The following DSC3 variants were observed in gnomAD, a reference collection of about 807,000 sequenced individuals.
DSC3 encodes desmocollin-3.
In DSC3, 97 loss-of-function variants were observed where a neutral mutation model predicts 89.5. The ratio of observed to expected loss-of-function variants is 1.08; its 90% confidence interval spans 0.92 to 1.28. DSC3 has a LOEUF of 1.28. Ranked by LOEUF, DSC3 falls within the 50% of genes most tolerant of loss-of-function variation. The pLI is 0.00. For synonymous variants in DSC3, 436 were observed against 384.1 expected (o/e 1.14, Z -1.58); for missense variants, 1,199 against 1,085.3 (o/e 1.10, Z -1.47).
At chr18:31,032,461 AACTT>A (rs1429732849) in intron 1 of DSC3, among the ~76,000 whole-genome samples, 185 bp from the exon 2 acceptor site, 1 of 152,158 alleles carries the variant, frequency 6.6e-6, no homozygotes, top group Non-Finnish European at 1.5e-5. Flanking sequence ...AACAACAACT[AACTT>A]CATATTTAAA....
chr18:31,023,949 T>A (rs559942668), intron 6 of DSC3, among the ~76,000 whole-genome samples: 1 of 152,246 alleles, frequency 6.6e-6, no homozygotes, highest in Non-Finnish European at 1.5e-5. Flanking sequence ...TGGATGTCAT[T>A]TAACACCTTC....
intron 12 of DSC3, among the ~76,000 whole-genome samples, chr18:31,004,801 A>T (rs1984783433): frequency 6.6e-6 from 1 of 152,230 alleles, no homozygotes; most frequent in Non-Finnish European, 1.5e-5. Flanking sequence ...TTCAAAGCAC[A>T]ATAGATTGTT....
In DSC3 at chr18:31,022,442, C is replaced by T. The variant is rs145618008; in HGVS notation, c.836G>A (p.Arg279His). 1.7e-4 allele frequency: 280 copies of T among 1,613,986 alleles called. No homozygotes were observed. In the African/African-American group the frequency reaches 2.8e-3, roughly 16 times the overall value. ...CTGCTGCAAAATGCTGTATTTCAGG[C>T]GCGTATGCATTGTGTCCGGTTCATC... ...DRDEPDTMHT[R>H]LKYSILQQTP... Residue 279 changes from arginine (R) to histidine (H), a missense_variant, in exon 7 of 16, where the codon CGC becomes CAC. Arg to His is a conservative substitution (Grantham distance 29, BLOSUM62 0). Coordinates refer to ENST00000360428, the MANE Select transcript of DSC3 (RefSeq NM_001941.5).
At chr18:31,005,793 A>G (rs1007446590) in intron 12 of DSC3, among the ~76,000 whole-genome samples, 2 of 152,186 alleles carry the variant, frequency 1.3e-5, no homozygotes, top group African/African-American at 4.8e-5. Context: ...AGGCACTGCA[A>G]TGCAGGTAGC....
At chr18:30,997,222 T>C (rs79993085) in intron 14 of DSC3, among the ~76,000 whole-genome samples, 174 bp from the exon 15 acceptor site, 2,192 of 152,344 alleles carry the variant, frequency 0.014, 29 homozygotes, top group South Asian at 0.043. Flanking sequence ...TCATTCATTT[T>C]GTGCTGCTAT....
At chr18:31,029,654 T>C (rs1324139554) in intron 3 of DSC3, 26 bp from the exon 4 acceptor site, 8 of 1,613,132 alleles carry the variant, frequency 5.0e-6, no homozygotes, top group Admixed American at 3.3e-5. Context: ...AACAAATACA[T>C]GAATAAACAA....
rs1354091489 is a variant in DSC3 at position 31,029,776 on chromosome 18, C to T, written c.355-148G>A. The T allele has an allele frequency of 9.3e-6, 9 of 969,268 alleles. No individual in the cohort carries two copies. The South Asian group carries it at 1.2e-4, about 13-fold the overall frequency. 60.0% of individuals were successfully genotyped at this position (969,268 alleles called of 1,614,324 possible). ...CTGGAGCTAAACCAGTTAATAAAGT[C>T]TTTCTGCATTAGAAGGGTAAGAAAG... On this transcript the variant is annotated intron_variant, in intron 3 of 15. Transcript: ENST00000360428.
chr18:31,042,670 G>A lies in DSC3; in HGVS notation c.-10C>T, dbSNP rs780928956. 16 of 1,548,474 alleles carry A rather than the reference G, an allele frequency of 1.0e-5. No individual in the cohort carries two copies. The Admixed American group carries it at 2.4e-4, about 23-fold the overall frequency. ...GCCCAGCGGCGGCCATCGGGATGCC[G>A]GGCAGGGCCAGGAGAACGCGGGCGC... On this transcript the variant is annotated 5_prime_UTR_variant, in exon 1 of 16. Transcript: ENST00000360428.
chr18:31,027,288 C>T (rs924915097), intron 4 of DSC3, among the ~76,000 whole-genome samples: 5 of 152,108 alleles, frequency 3.3e-5, no homozygotes, highest in African/African-American at 1.2e-4. Flanking sequence ...GACGGTCAGA[C>T]GTGCTTGAAC....
At chr18:31,020,117 G>A (rs568119830) in intron 7 of DSC3, among the ~76,000 whole-genome samples, 65 of 152,238 alleles carry the variant, frequency 4.3e-4, no homozygotes, top group African/African-American at 1.4e-3. Context: ...GAAATCTAAG[G>A]AGTAAAGTCC....
chr18:30,995,029 C>T (rs1218851800), intron 15 of DSC3, among the ~76,000 whole-genome samples: 1 of 151,456 alleles, frequency 6.6e-6, no homozygotes, highest in Non-Finnish European at 1.5e-5. Context: ...TCGAAAAGTT[C>T]AATGAAATTA....
Position 30,990,692 on chromosome 18 carries a change from T to C in DSC3, c.*3483A>G, listed in dbSNP as rs913468467. 3 of 152,196 alleles carry C rather than the reference T, an allele frequency of 2.0e-5. No individual in the cohort carries two copies. The highest frequency in any genetic ancestry group is 4.8e-5 in the African/African-American group (2 of 41,450). 9.4% of individuals were successfully genotyped at this position (152,196 alleles called of 1,614,324 possible). A position where few individuals can be genotyped will look rare whatever the true frequency, so the allele number is the denominator to read the frequency against. The stretch of plus-strand genomic sequence containing the variant: ...GAATCAAGACTGCAATATCGCCTGC[T>C]TTTCTTTTTAACTCATGTTTTCCCT... On this transcript the variant is annotated 3_prime_UTR_variant, in exon 16 of 16. Coordinates refer to ENST00000360428, the MANE Select transcript of DSC3 (RefSeq NM_001941.5).
rs1057502232 is a variant in DSC3 at position 30,997,552 on chromosome 18, T to C, written c.2236-504A>G. Among the ~76,000 whole-genome samples the C allele has an allele frequency of 5.3e-5, 8 of 152,232 alleles. No homozygotes were observed. In the East Asian group the frequency reaches 5.8e-4, roughly 11 times the overall value. On this transcript the variant is annotated intron_variant, in intron 14 of 15. Transcript: ENST00000360428. ...GGTCTCACCTCTCAACACTGTTGCA[T>C]TGGGGATTAAGTTTCCAACATATCA...
chr18:30,994,340 G>A lies in DSC3; in HGVS notation c.2526C>T (p.Arg842=). The change falls in exon 16 of 16, where the codon CGC becomes CGT. Residue 842 remains arginine, a synonymous_variant. Coordinates refer to ENST00000360428, the MANE Select transcript of DSC3 (RefSeq NM_001941.5). ...KLHRCNQNED[R]MPSQDYVLTY... ...TGAGGACATAATCTTGGGATGGCAT[G>A]CGGTCTTCATTCTGATTACATCGAT... is the stretch of plus-strand genomic sequence containing the variant. The A allele has an allele frequency of 6.2e-7, 1 of 1,614,046 alleles. No individual in the cohort carries two copies. Among genetic ancestry groups the A allele is most frequent in the Non-Finnish European group, 8.5e-7 (1 of 1,179,982 alleles).
chr18:31,034,420 C>T (rs1340886545), intron 1 of DSC3, among the ~76,000 whole-genome samples: 3 of 152,152 alleles, frequency 2.0e-5, no homozygotes, highest in African/African-American at 4.8e-5. Flanking sequence ...GAAACCCCTA[C>T]ACTTTGCTGG....
At chr18:31,026,145 G>T (rs1056760335) in intron 4 of DSC3, among the ~76,000 whole-genome samples, 1 of 151,994 alleles carries the variant, frequency 6.6e-6, no homozygotes, top group Non-Finnish European at 1.5e-5. Flanking sequence ...AAAATTAAAT[G>T]AATAAGCTAT....
rs1984253231 is a variant in DSC3, at chr18:30,991,775, C to T, written c.*2400G>A. On this transcript the variant is annotated 3_prime_UTR_variant, in exon 16 of 16. Transcript: ENST00000360428. ...TGAGTTCTTTCTCCCCCTGGCTTCT[C>T]GACTGTCTTTTGGTTGAGTATTTCA... is the stretch of plus-strand genomic sequence containing the variant. The T allele has an allele frequency of 1.3e-5, 2 of 152,158 alleles. No homozygotes were observed. The highest frequency in any genetic ancestry group is 2.9e-5 in the Non-Finnish European group (2 of 68,048). The allele number at this position is 152,158 out of a possible 1,614,324, so 9.4% of individuals were successfully genotyped here. A position where few individuals can be genotyped will look rare whatever the true frequency, so the allele number is the denominator to read the frequency against.
Position 30,992,210 on chromosome 18 carries a change from A to G in DSC3, c.*1965T>C, listed in dbSNP as rs1984287252. On this transcript the variant is annotated 3_prime_UTR_variant, in exon 16 of 16. Coordinates refer to ENST00000360428, the MANE Select transcript of DSC3 (RefSeq NM_001941.5). ...GGGGGCAATAAAAAGTCTAAGTCTAAAACACATAGATTTTAGGGTCAAATT... is the reference window on the plus strand; with the variant it reads ...GGGGGCAATAAAAAGTCTAAGTCTAGAACACATAGATTTTAGGGTCAAATT... 6.6e-6 allele frequency: 1 copy of G among 152,022 alleles called. No individual in the cohort carries two copies. Among genetic ancestry groups the G allele is most frequent in the African/African-American group, 2.4e-5 (1 of 41,390 alleles). The allele number at this position is 152,022 out of a possible 1,614,324, so 9.4% of individuals were successfully genotyped here. A position where few individuals can be genotyped will look rare whatever the true frequency, so the allele number is the denominator to read the frequency against.
At chr18:31,029,654 T>G in intron 3 of DSC3, 26 bp from the exon 4 acceptor site, 1 of 1,613,132 alleles carries the variant, frequency 6.2e-7, no homozygotes, top group Non-Finnish European at 8.5e-7. Flanking sequence ...AACAAATACA[T>G]GAATAAACAA....
Sources: gnomAD v4.1 joint callset for allele counts (sites outside exome capture counted in the v4.1 genomes callset) on GRCh38, gnomAD v4.1.1 for gene constraint, MANE v1.5 for transcripts, NCBI Gene and HGNC (gene_info 2026-07-23, HGNC 2026-07-21) for gene names.